APLP2: variants seen among roughly 807,000 people sequenced by gnomAD.
The protein encoded by APLP2 is CDEI box-binding protein.
In APLP2, 53 loss-of-function variants were observed where a neutral mutation model predicts 89.9. The ratio of observed to expected loss-of-function variants is 0.59; its 90% CI spans 0.47 to 0.74. APLP2 has a LOEUF of 0.74. APLP2 is among the 30% of genes least tolerant of loss of function. The pLI is 0.00. For missense variants in APLP2, 973 were observed against 975.9 expected (o/e 1.00, Z 0.04); for synonymous variants, 372 against 348.6 (o/e 1.07, Z -0.75).
chr11:130,081,172 A>G (rs1943091426), intron 1 of APLP2, among the ~76,000 whole-genome samples: 1 of 152,156 alleles, frequency 6.6e-6, no homozygotes, highest in Admixed American at 6.5e-5. Flanking sequence ...TTCATTTAAC[A>G]TATTGAATAA....
chr11:130,087,252 G>A (rs1429285572), intron 1 of APLP2, among the ~76,000 whole-genome samples: 3 of 152,314 alleles, frequency 2.0e-5, no homozygotes, highest in Middle Eastern at 3.4e-3. Context: ...CTAAAGTTGA[G>A]GTTGAAGACC....
At position 130,123,487 on chromosome 11, in the gene APLP2, G is replaced by A. The variant is rs1950048703; in HGVS notation, c.923-125G>A. On this transcript the variant is annotated intron_variant, in intron 6 of 16. Coordinates refer to ENST00000338167, the MANE Select transcript of APLP2 (RefSeq NM_001142276.2). The surrounding 1 kb of genome is among the most constrained non-coding windows in gnomAD (Gnocchi z 4.0). ...CTGAGCTGGAGCTTTCGGCCACCGG[G>A]CCTCCAGGCTCCGTCCAGTCTCAGG... The A allele has an allele frequency of 9.8e-7, 1 of 1,020,110 alleles. No homozygotes were observed. Among genetic ancestry groups the A allele is most frequent in the African/African-American group, 1.6e-5 (1 of 61,750 alleles). The allele number at this position is 1,020,110 out of a possible 1,614,324, so 63.2% of individuals were successfully genotyped here. A position where few individuals can be genotyped will look rare whatever the true frequency, so the allele number is the denominator to read the frequency against.
intron 3 of APLP2, among the ~76,000 whole-genome samples, chr11:130,118,295 A>G (rs1024340390): frequency 6.6e-6 from 1 of 152,226 alleles, no homozygotes; most frequent in Non-Finnish European, 1.5e-5. Context: ...ATTAACATCA[A>G]TAGTGCCTAC....
At chr11:130,127,066 T>C (rs1360628362) in intron 8 of APLP2, among the ~76,000 whole-genome samples, 2 of 114,724 alleles carry the variant, frequency 1.7e-5, no homozygotes, top group African/African-American at 5.9e-5. Flanking sequence ...TATCTGCCCT[T>C]TTTTTTTTTT....
chr11:130,138,539 A>T (rs1390652725), intron 13 of APLP2, among the ~76,000 whole-genome samples: 1 of 149,094 alleles, frequency 6.7e-6, no homozygotes, highest in Middle Eastern at 3.6e-3. Flanking sequence ...CGTGGGGGCT[A>T]TACCACCAAA....
intron 16 of APLP2, among the ~76,000 whole-genome samples, chr11:130,142,648 G>T (rs1015055464): frequency 6.6e-6 from 1 of 152,146 alleles, no homozygotes; most frequent in Non-Finnish European, 1.5e-5. Context: ...CAGTCTCGCT[G>T]TGTCGCCCAG....
intron 3 of APLP2, among the ~76,000 whole-genome samples, chr11:130,118,076 CAAAA>C (rs71061363): frequency 1.1e-5 from 1 of 94,476 alleles, no homozygotes; most frequent in Non-Finnish European, 2.5e-5. Flanking sequence ...GACTCCATCT[CAAAA>C]AAAAAAAAAA....
chr11:130,122,656 G>A, intron 6 of APLP2, 143 bp downstream of exon 6: 1 of 1,412,774 alleles, frequency 7.1e-7, no homozygotes, highest in Non-Finnish European at 9.5e-7. Flanking sequence ...GCTCTCCAGT[G>A]CAGTGATGGG....
intron 1 of APLP2, among the ~76,000 whole-genome samples, chr11:130,104,418 C>T (rs1947371942): frequency 6.6e-6 from 1 of 151,860 alleles, no homozygotes. Flanking sequence ...AGGGTTTCAC[C>T]ATGTTGGCCA....
intron 1 of APLP2, among the ~76,000 whole-genome samples, chr11:130,097,794 G>C (rs1482596536): frequency 6.6e-6 from 1 of 152,162 alleles, no homozygotes; most frequent in Non-Finnish European, 1.5e-5. Flanking sequence ...GGTTGTTCTT[G>C]GTTAATATTA....
intron 1 of APLP2, among the ~76,000 whole-genome samples, chr11:130,091,868 G>C: frequency 6.9e-6 from 1 of 143,974 alleles, no homozygotes; most frequent in Non-Finnish European, 1.5e-5. Flanking sequence ...GGGTGGAGAC[G>C]CTCCTCACTT....
intron 1 of APLP2, among the ~76,000 whole-genome samples, chr11:130,072,024 G>A (rs1036525922): frequency 1.3e-5 from 2 of 152,178 alleles, no homozygotes; most frequent in African/African-American, 4.8e-5. Flanking sequence ...AAGGGATTCT[G>A]GCCAAATCCC....
At chr11:130,102,090 A>C (rs1947010140) in intron 1 of APLP2, 6 of 372,024 alleles carry the variant, frequency 1.6e-5, no homozygotes, top group Non-Finnish European at 3.2e-5. Flanking sequence ...AAGGATACTG[A>C]GAACAGAATT....
intron 11 of APLP2, among the ~76,000 whole-genome samples, chr11:130,132,618 T>G (rs1049930062): frequency 7.1e-6 from 1 of 140,490 alleles, no homozygotes; most frequent in African/African-American, 3.1e-5. Context: ...TTTTTTTTTT[T>G]TAAATAATGA....
At position 130,097,969 on chromosome 11, in the gene APLP2, C is replaced by G. The variant is rs59917837; in HGVS notation, c.106-11460C>G. ...CCCTTACGCGTGGATGTGTGCACAA[C>G]ACATGCACACTAGACCTTTCTTAGG... On this transcript the variant is annotated intron_variant, in intron 1 of 16. Transcript: ENST00000338167. Among the ~76,000 whole-genome samples, 5 of 152,104 alleles carry G rather than the reference C, an allele frequency of 3.3e-5. No homozygotes were observed. The South Asian group carries it at 1.0e-3, about 32-fold the overall frequency.
chr11:130,087,491 G>A (rs1944293467), intron 1 of APLP2, among the ~76,000 whole-genome samples: 1 of 152,156 alleles, frequency 6.6e-6, no homozygotes. Context: ...TCTTCGAGGG[G>A]GCTGAGTATG....
intron 11 of APLP2, among the ~76,000 whole-genome samples, chr11:130,131,856 T>C (rs1301307801): frequency 6.6e-6 from 1 of 152,154 alleles, no homozygotes; most frequent in East Asian, 1.9e-4. Context: ...TTAAACACCT[T>C]TGGGGAGAAA....
intron 3 of APLP2, among the ~76,000 whole-genome samples, chr11:130,118,605 G>A (rs1011765119): frequency 6.6e-6 from 1 of 152,206 alleles, no homozygotes; most frequent in African/African-American, 2.4e-5. Flanking sequence ...ATTAAACCAT[G>A]TGAGTTGGTG....
chr11:130,074,816 A>G (rs1401930484), intron 1 of APLP2, among the ~76,000 whole-genome samples: 3 of 152,242 alleles, frequency 2.0e-5, no homozygotes, highest in African/African-American at 7.2e-5. Flanking sequence ...TTATGCTAAC[A>G]TGAACTACTC....
Sources: allele counts gnomAD v4.1 joint callset (sites outside exome capture counted in the v4.1 genomes callset), GRCh38; gene constraint gnomAD v4.1.1; non-coding constraint Gnocchi (gnomAD v3.1); transcripts MANE v1.5; gene names NCBI Gene and HGNC (gene_info 2026-07-23, HGNC 2026-07-21).